The following LARGE1 variants were observed in gnomAD, a reference collection of about 807,000 sequenced individuals.
The protein encoded by LARGE1 is LARGE xylosyl- and glucuronyltransferase 1, also known as xylosyl- and glucuronyltransferase LARGE1.
In LARGE1, 43 loss-of-function variants were observed where a neutral mutation model predicts 87.6. That is an observed-to-expected ratio of 0.49 (90% confidence interval 0.38 to 0.63). The LOEUF (loss-of-function observed/expected upper bound fraction) is 0.63, where lower values mean the gene tolerates loss of function less well. Among genes scored for constraint, LARGE1 ranks in the 30% least tolerant of loss-of-function variants. The probability of loss-of-function intolerance (pLI) is 0.00; values close to 1 mark genes in which losing one functional copy is unlikely to be tolerated. For synonymous variants in LARGE1, 434 were observed against 394.6 expected, an observed-to-expected ratio of 1.10 and a Z score of -1.18; for missense variants, 802 against 1,000.2, an observed-to-expected ratio of 0.80 and a Z score of 2.67.
At chr22:33,493,577 C>T (rs551355115) in intron 6 of LARGE1, among the ~76,000 whole-genome samples, 1 of 152,214 alleles carries the variant, frequency 6.6e-6, no homozygotes, top group Non-Finnish European at 1.5e-5. Context: ...GGGCAATATG[C>T]TTTATTTATG....
intron 1 of LARGE1, among the ~76,000 whole-genome samples, chr22:33,774,873 C>T (rs2085184635): frequency 3.3e-5 from 5 of 152,182 alleles, no homozygotes; most frequent in African/African-American, 1.2e-4. Context: ...GGCCACCGTG[C>T]TGGACTGTGC....
At chr22:33,741,522 C>G (rs780130107) in intron 2 of LARGE1, among the ~76,000 whole-genome samples, 8 of 152,216 alleles carry the variant, frequency 5.3e-5, no homozygotes, top group Non-Finnish European at 1.2e-4. Flanking sequence ...TGAGACTCTC[C>G]TACACACCCA....
intron 11 of LARGE1, among the ~76,000 whole-genome samples, chr22:33,245,079 C>T (rs1926696064): frequency 6.6e-6 from 1 of 152,164 alleles, no homozygotes; most frequent in Middle Eastern, 3.2e-3. Flanking sequence ...AACTGAGGGT[C>T]CTGGGAATTT....
chr22:33,134,322 A>G, the LARGE1 span, among the ~76,000 whole-genome samples: 10 of 144,672 alleles, frequency 6.9e-5, no homozygotes, highest in Non-Finnish European at 5.9e-5. Context: ...GCAGTGGTGC[A>G]ATCTCTGCTC....
chr22:33,900,443 C>T (rs1408872406), intron 1 of LARGE1, among the ~76,000 whole-genome samples: 1 of 152,168 alleles, frequency 6.6e-6, no homozygotes, highest in Non-Finnish European at 1.5e-5. Context: ...GAATGAAGAG[C>T]CTCTAATGTC....
chr22:33,654,123 G>A (rs185520947), intron 2 of LARGE1, among the ~76,000 whole-genome samples: 2 of 152,282 alleles, frequency 1.3e-5, no homozygotes, highest in African/African-American at 4.8e-5. Context: ...AAGACGTGCG[G>A]GGGTTTTCCC....
intron 2 of LARGE1, among the ~76,000 whole-genome samples, chr22:33,704,528 G>A (rs977805501): frequency 2.0e-5 from 3 of 152,040 alleles, no homozygotes; most frequent in South Asian, 2.1e-4. Flanking sequence ...CTCATCTGCC[G>A]GGAGCCTCTC....
At position 33,304,435 on chromosome 22, in the gene LARGE1, G is replaced by C. The variant is rs747233486; in HGVS notation, c.1524C>G (p.Ala508=). The C allele has an allele frequency of 1.2e-6, 2 of 1,613,980 alleles. No individual in the cohort carries two copies. The highest frequency in any genetic ancestry group is 1.1e-5 in the South Asian group (1 of 91,080). The part of the protein sequence containing the change: ...PISLALYLSD[A]EAQQFLRYAQ... ...CGTAGCGGAGGAACTGCTGGGCCTC[G>C]GCGTCTGACAGGTAGAGGGCCAGGC... Residue 508 remains alanine, a synonymous_variant, in exon 12 of 15, where the codon GCC becomes GCG. Coordinates refer to ENST00000397394, the MANE Select transcript of LARGE1 (RefSeq NM_133642.5).
intron 6 of LARGE1, among the ~76,000 whole-genome samples, chr22:33,452,887 G>A (rs1344816191): frequency 1.3e-5 from 2 of 152,106 alleles, no homozygotes; most frequent in Non-Finnish European, 2.9e-5. Context: ...TTTACTTCAA[G>A]AAATGAACCC....
At chr22:33,462,851 G>C (rs1188472212) in intron 6 of LARGE1, among the ~76,000 whole-genome samples, 1 of 152,074 alleles carries the variant, frequency 6.6e-6, no homozygotes, top group Non-Finnish European at 1.5e-5. Flanking sequence ...ATTTGAACAA[G>C]AATAAAATAG....
At chr22:33,067,938 T>C in the LARGE1 span, among the ~76,000 whole-genome samples, 1 of 151,436 alleles carries the variant, frequency 6.6e-6, no homozygotes, top group Admixed American at 6.6e-5. Context: ...TGAGATCGCA[T>C]CACTGCACTC....
intron 7 of LARGE1, among the ~76,000 whole-genome samples, chr22:33,410,910 C>G (rs111890791): frequency 5.0e-4 from 76 of 152,308 alleles, no homozygotes; most frequent in African/African-American, 1.8e-3. Context: ...GCAATTAGTA[C>G]TGTGAACCTG....
intron 11 of LARGE1, among the ~76,000 whole-genome samples, chr22:33,172,602 C>T (rs1189574145): frequency 7.9e-5 from 12 of 152,046 alleles, no homozygotes; most frequent in Admixed American, 7.9e-4. Context: ...AATTCTCCAC[C>T]CCTATCCTAG....
chr22:33,387,257 T>G (rs540028001), intron 7 of LARGE1, among the ~76,000 whole-genome samples: 1 of 148,238 alleles, frequency 6.7e-6, no homozygotes, highest in African/African-American at 2.4e-5. Flanking sequence ...AAACCCCACC[T>G]CTACTAAAAA....
intron 3 of LARGE1, 118 bp downstream of exon 3, chr22:33,650,249 G>T: frequency 2.3e-6 from 3 of 1,286,484 alleles, no homozygotes; most frequent in East Asian, 2.3e-5. Flanking sequence ...ACACACCCGG[G>T]CTAGAATCAA....
chr22:33,824,576 T>TA (rs1446422874), intron 1 of LARGE1, among the ~76,000 whole-genome samples: 1 of 152,144 alleles, frequency 6.6e-6, no homozygotes, highest in Non-Finnish European at 1.5e-5. Flanking sequence ...CCATATCACT[T>TA]ACACACTCAT....
chr22:33,274,983 C>G (rs1256186669), intron 14 of LARGE1, among the ~76,000 whole-genome samples: 1 of 152,298 alleles, frequency 6.6e-6, no homozygotes, highest in East Asian at 1.9e-4. Flanking sequence ...CCCACATGGA[C>G]AGTCTAGGAT....
chr22:33,660,383 G>A (rs752057671), intron 2 of LARGE1, among the ~76,000 whole-genome samples: 3 of 152,134 alleles, frequency 2.0e-5, no homozygotes, highest in South Asian at 2.1e-4. Context: ...TTAGAAAACC[G>A]TCATTGGAGG....
chr22:33,691,482 T>C (rs1208498501), intron 2 of LARGE1, among the ~76,000 whole-genome samples: 1 of 151,978 alleles, frequency 6.6e-6, no homozygotes, highest in Admixed American at 6.6e-5. Flanking sequence ...CACCAGCAAA[T>C]ATTGACTGCA....
Sources: allele counts gnomAD v4.1 joint callset (sites outside exome capture counted in the v4.1 genomes callset), GRCh38; gene constraint gnomAD v4.1.1; transcripts MANE v1.5; gene names NCBI Gene and HGNC (gene_info 2026-07-23, HGNC 2026-07-21).